The following RCOR3 variants were observed in gnomAD, a reference collection of about 807,000 sequenced individuals.
The protein encoded by RCOR3 is REST corepressor 3.
RCOR3 carries 13 observed loss-of-function variants against 64.1 expected under a neutral mutation model. The ratio of observed to expected loss-of-function variants is 0.20; its 90% CI spans 0.13 to 0.32. The LOEUF (loss-of-function observed/expected upper bound fraction) is 0.32, where lower values mean the gene tolerates loss of function less well. RCOR3 is among the 10% of genes least tolerant of loss of function. The pLI is 1.00. For missense variants in RCOR3, 489 were observed against 701.2 expected (o/e 0.70, Z 3.42); for synonymous variants, 215 against 239.0 (o/e 0.90, Z 0.93).
Position 211,271,266 on chromosome 1 carries a change from G to T in RCOR3, c.258G>T (p.Gly86=). ...AGTACACAGATAAAGACAATGGAGG[G>T]ATGCTTGTATGGTCTCCATATCACA... ...ATKYTDKDNG[G]MLVWSPYHSI... The change falls in exon 3 of 12, where the codon GGG becomes GGT. Residue 86 remains glycine, a synonymous_variant. Coordinates refer to ENST00000419091, the MANE Select transcript of RCOR3 (RefSeq NM_001136223.3). The T allele has an allele frequency of 6.2e-7, 1 of 1,613,830 alleles. No individual in the cohort carries two copies. The highest frequency in any genetic ancestry group is 8.5e-7 in the Non-Finnish European group (1 of 1,179,876).
At chr1:211,263,753 G>T (rs899018970) in intron 2 of RCOR3, among the ~76,000 whole-genome samples, 1 of 152,124 alleles carries the variant, frequency 6.6e-6, no homozygotes, top group Non-Finnish European at 1.5e-5. Flanking sequence ...TTTCACATCA[G>T]TATAATTAGG....
chr1:211,284,502 C>CTTTATTTATTTATTTA (rs71767571), intron 7 of RCOR3, among the ~76,000 whole-genome samples: 6 of 135,094 alleles, frequency 4.4e-5, no homozygotes, highest in African/African-American at 1.1e-4. Context: ...GGTAGAGATC[C>CTTTATTTATTTATTTA]TTTATTTATT....
intron 7 of RCOR3, among the ~76,000 whole-genome samples, chr1:211,288,210 C>CAA (rs902271745): frequency 3.9e-5 from 5 of 128,028 alleles, no homozygotes; most frequent in Admixed American, 8.0e-5. Flanking sequence ...GACCCTGTCT[C>CAA]AAAAAAAAAA....
intron 9 of RCOR3, among the ~76,000 whole-genome samples, chr1:211,296,540 A>G (rs1699879723): frequency 6.6e-6 from 1 of 152,120 alleles, no homozygotes; most frequent in Admixed American, 6.6e-5. Context: ...ACATCTACAG[A>G]TGAAATTTAT....
intron 10 of RCOR3, among the ~76,000 whole-genome samples, chr1:211,311,816 C>T (rs1037639036): frequency 2.0e-5 from 3 of 152,056 alleles, no homozygotes; most frequent in Non-Finnish European, 4.4e-5. Flanking sequence ...TTTTAGAATT[C>T]CCTTAAGAGG....
Position 211,262,676 on chromosome 1 carries a change from C to T in RCOR3, c.223+2512C>T, listed in dbSNP as rs75046397. Among the ~76,000 whole-genome samples the T allele has an allele frequency of 3.0e-3, 458 of 152,248 alleles. 3 individuals carry two copies. Among genetic ancestry groups the T allele is most frequent in the African/African-American group, 0.011 (440 of 41,536 alleles). On this transcript the variant is annotated intron_variant, in intron 2 of 11. Coordinates refer to ENST00000419091, the MANE Select transcript of RCOR3 (RefSeq NM_001136223.3). ...GACTTAATGCTGGAACAAACTTGTACATGCCATAGCATTACATTGGAAAGC... is the reference window on the plus strand; with the variant it reads ...GACTTAATGCTGGAACAAACTTGTATATGCCATAGCATTACATTGGAAAGC...
intron 9 of RCOR3, chr1:211,303,787 C>T (rs1205069861): frequency 2.6e-5 from 5 of 190,802 alleles, no homozygotes; most frequent in Non-Finnish European, 1.1e-5. Context: ...CACAGTGAAA[C>T]CCCGTTGGGA....
chr1:211,280,624 C>G (rs976004486), intron 7 of RCOR3, among the ~76,000 whole-genome samples: 1 of 152,158 alleles, frequency 6.6e-6, no homozygotes, highest in Admixed American at 6.5e-5. Context: ...ACCAGTTATC[C>G]TTTGTCTTTC....
At position 211,314,243 on chromosome 1, in the gene RCOR3, A is replaced by G. The variant is rs540757182; in HGVS notation, c.*475A>G. On this transcript the variant is annotated 3_prime_UTR_variant, in exon 12 of 12. Coordinates refer to ENST00000419091, the MANE Select transcript of RCOR3 (RefSeq NM_001136223.3). Reference sequence around the variant, plus strand: ...ACCATTTTCCTATGTTAGGAGTGCAAGAATAGCCAGCATTTCCGATTTTGA... The same window carrying G: ...ACCATTTTCCTATGTTAGGAGTGCAGGAATAGCCAGCATTTCCGATTTTGA... The G allele has an allele frequency of 9.2e-5, 14 of 152,624 alleles. No individual in the cohort carries two copies. The highest frequency in any genetic ancestry group is 3.4e-4 in the African/African-American group (14 of 41,568). The allele number at this position is 152,624 out of a possible 1,614,324, so 9.5% of individuals were successfully genotyped here.
At chr1:211,270,046 C>T (rs149238574) in intron 2 of RCOR3, among the ~76,000 whole-genome samples, 227 of 144,664 alleles carry the variant, frequency 1.6e-3, no homozygotes, top group African/African-American at 5.3e-3. Flanking sequence ...GAAGAAGTTG[C>T]GTTAACTTTT....
intron 10 of RCOR3, among the ~76,000 whole-genome samples, chr1:211,311,481 C>T (rs899636057): frequency 6.6e-6 from 1 of 152,104 alleles, no homozygotes; most frequent in African/African-American, 2.4e-5. Context: ...TCCAAATTCT[C>T]AATTTAAAAT....
intron 3 of RCOR3, among the ~76,000 whole-genome samples, chr1:211,273,773 T>A (rs942962656): frequency 6.6e-6 from 1 of 152,196 alleles, no homozygotes; most frequent in Non-Finnish European, 1.5e-5. Context: ...TAAACTATCC[T>A]TTATACATCA....
At chr1:211,300,631 C>T (rs895217662) in intron 9 of RCOR3, among the ~76,000 whole-genome samples, 1 of 152,142 alleles carries the variant, frequency 6.6e-6, no homozygotes, top group Admixed American at 6.6e-5. Flanking sequence ...CTTGGATGCA[C>T]AATCTCATTA....
chr1:211,283,311 G>A (rs1455579757), intron 7 of RCOR3, among the ~76,000 whole-genome samples: 1 of 152,240 alleles, frequency 6.6e-6, no homozygotes, highest in African/African-American at 2.4e-5. Flanking sequence ...GCAAAGCACA[G>A]ATTGTTTCAC....
intron 7 of RCOR3, among the ~76,000 whole-genome samples, chr1:211,282,503 GTTT>G (rs745846610): frequency 4.3e-5 from 6 of 138,054 alleles, no homozygotes; most frequent in Admixed American, 7.2e-5. Flanking sequence ...GGATATTCTT[GTTT>G]TTTTTTTTTT....
rs11577985 is a variant in RCOR3 at position 211,278,125 on chromosome 1, T to C, written c.525T>C (p.Asp175=). The change falls in exon 6 of 12, where the codon GAT becomes GAC. Residue 175 remains aspartate, a synonymous_variant. Transcript: ENST00000419091. The stretch of plus-strand genomic sequence containing the variant: ...ACATGATTTTTTTTAAGCTTCCAGA[T>C]AAGACAATTGCAAGCCTTGTAAAAT... ...SFHRIQQMLP[D]KTIASLVKYY... 0.16 allele frequency: 247,255 copies of C among 1,590,048 alleles called. 20,255 individuals are homozygous for C. Among genetic ancestry groups the C allele is most frequent in the African/African-American group, 0.28 (20,197 of 73,110 alleles).
At chr1:211,266,012 A>G (rs1695121279) in intron 2 of RCOR3, among the ~76,000 whole-genome samples, 1 of 152,110 alleles carries the variant, frequency 6.6e-6, no homozygotes. Context: ...ATGGAAGTAG[A>G]ATGAATCTAA....
chr1:211,279,243 A>G lies in RCOR3; in HGVS notation c.647A>G (p.Asp216Gly), dbSNP rs1005972425. 2 of 1,600,832 alleles carry G rather than the reference A, an allele frequency of 1.2e-6. No homozygotes were observed. The highest frequency in any genetic ancestry group is 1.7e-6 in the Non-Finnish European group (2 of 1,173,642). The part of the protein sequence containing the change: ...ANRHNQGDSD[D>G]DVEETHPMDG... ...TAATTTTTGTTTCTTCTCAGTGATG[A>G]TGATGTAGAAGAAACACATCCAATG... is the stretch of plus-strand genomic sequence containing the variant. The change falls in exon 7 of 12, where the codon GAT becomes GGT. Residue 216 changes from aspartate (D) to glycine (G), a missense_variant. Physicochemically the swap from Asp to Gly is moderately conservative, Grantham distance 94. This residue lies in a region of RCOR3 where 402 missense variants were observed against 617.0 expected (regional missense o/e 0.65). Coordinates refer to ENST00000419091, the MANE Select transcript of RCOR3 (RefSeq NM_001136223.3).
Position 211,259,744 on chromosome 1 carries a change from C to G in RCOR3, c.166+18C>G. The G allele has an allele frequency of 1.4e-6, 2 of 1,462,654 alleles. No individual in the cohort carries two copies. The highest frequency in any genetic ancestry group is 1.4e-5 in the African/African-American group (1 of 68,998). 90.6% of individuals were successfully genotyped at this position (1,462,654 alleles called of 1,614,324 possible). On this transcript the variant is annotated intron_variant, in intron 1 of 11. Transcript: ENST00000419091. ...CGAGCACGGTGGTAGCCTCGAACTC[C>G]TCCCCGCCAGCCCGCCTGCCCCCCT...
Sources: gnomAD v4.1 joint callset for allele counts (sites outside exome capture counted in the v4.1 genomes callset) on GRCh38, gnomAD v4.1.1 for gene constraint, gnomAD v4.1.1 regional missense constraint, MANE v1.5 for transcripts, NCBI Gene and HGNC (gene_info 2026-07-23, HGNC 2026-07-21) for gene names.